Variants in BACE2 observed in about 807,000 individuals in gnomAD.
The protein encoded by BACE2 is beta-secretase 2, also known as 56 kDa aspartic-like protease.
A neutral mutation model predicts 46.2 loss-of-function variants in BACE2; 17 were observed. The observed-to-expected ratio is 0.37, with a 90% CI of 0.25 to 0.55. The LOEUF (loss-of-function observed/expected upper bound fraction) is 0.55. Ranked by LOEUF, BACE2 falls within the 20% of genes least tolerant of loss-of-function variation. The probability of loss-of-function intolerance (pLI) is 0.82; values close to 1 mark genes in which losing one functional copy is unlikely to be tolerated. For missense variants in BACE2, 595 were observed against 698.1 expected (o/e 0.85, Z 1.66); for synonymous variants, 277 against 295.9 (o/e 0.94, Z 0.66).
At chr21:41,224,910 G>C (rs12329755) in intron 1 of BACE2, among the ~76,000 whole-genome samples, 70,592 of 152,126 alleles carry the variant, frequency 0.46, 21,376 homozygotes, top group African/African-American at 0.87. Flanking sequence ...CATAGCAGAC[G>C]TGTTCAGCAA....
chr21:41,217,583 G>C (rs1298174217), intron 1 of BACE2, among the ~76,000 whole-genome samples: 2 of 152,216 alleles, frequency 1.3e-5, no homozygotes. Context: ...GCTTTGGCGA[G>C]GTATCTGCTG....
At chr21:41,208,817 G>A (rs1344003885) in intron 1 of BACE2, among the ~76,000 whole-genome samples, 1 of 152,162 alleles carries the variant, frequency 6.6e-6, no homozygotes, top group Non-Finnish European at 1.5e-5. Flanking sequence ...GTGGCTACCA[G>A]AGGGAGAAAA....
chr21:41,256,197 C>A (rs139306821), intron 7 of BACE2, among the ~76,000 whole-genome samples: 5 of 152,020 alleles, frequency 3.3e-5, no homozygotes, highest in African/African-American at 1.2e-4. Context: ...CCCATCAACC[C>A]GTCACCTGCA....
chr21:41,168,993 C>CT (rs1984492247), intron 1 of BACE2, among the ~76,000 whole-genome samples: 1 of 45,246 alleles, frequency 2.2e-5, no homozygotes, highest in African/African-American at 6.7e-5. Flanking sequence ...CCCTCCCCCC[C>CT]GCCCCCCCCC....
At chr21:41,261,138 A>G (rs4818226) in intron 8 of BACE2, among the ~76,000 whole-genome samples, 109,752 of 152,068 alleles carry the variant, frequency 0.72, 39,937 homozygotes, top group East Asian at 0.92. Flanking sequence ...CTTTGTGTAG[A>G]TGAATGAGAT....
chr21:41,245,438 G>A (rs534182676), intron 5 of BACE2, among the ~76,000 whole-genome samples: 190 of 152,342 alleles, frequency 1.2e-3, no homozygotes, highest in African/African-American at 4.2e-3. Flanking sequence ...GGCTGGCAGC[G>A]CCTGTGTGTG....
At chr21:41,183,260 C>T (rs890780563) in intron 1 of BACE2, 1 of 166,032 alleles carries the variant, frequency 6.0e-6, no homozygotes, top group African/African-American at 2.4e-5. Context: ...CAGTGACTTA[C>T]CTAGGTAAAA....
chr21:41,179,556 A>C, intron 1 of BACE2: 1 of 1,366,558 alleles, frequency 7.3e-7, no homozygotes, highest in Non-Finnish European at 9.8e-7. Flanking sequence ...AGGGTGAGTG[A>C]GGGTGTCCAG....
chr21:41,231,175 T>C (rs533037374), intron 2 of BACE2, among the ~76,000 whole-genome samples: 1 of 152,340 alleles, frequency 6.6e-6, no homozygotes, highest in South Asian at 2.1e-4. Flanking sequence ...CTCAAGCATG[T>C]CCATCATTTG....
chr21:41,240,004 G>T (rs951490520), intron 3 of BACE2, among the ~76,000 whole-genome samples: 1 of 152,246 alleles, frequency 6.6e-6, no homozygotes, highest in African/African-American at 2.4e-5. Flanking sequence ...GGTTTGCTCA[G>T]ACCTCCTGAC....
chr21:41,254,865 C>T (rs925262544), intron 7 of BACE2, among the ~76,000 whole-genome samples: 13 of 152,216 alleles, frequency 8.5e-5, no homozygotes, highest in Admixed American at 2.0e-4. Flanking sequence ...GTCCTGCCTC[C>T]GTCAGGCTGC....
At chr21:41,257,054 G>C (rs1987805046) in intron 7 of BACE2, 104 bp from the exon 8 acceptor site, 3 of 1,316,092 alleles carry the variant, frequency 2.3e-6, no homozygotes, top group Non-Finnish European at 3.2e-6. Flanking sequence ...ACTCCCCCCA[G>C]CGCCTGGGAG....
At chr21:41,217,708 C>T (rs1357966688) in intron 1 of BACE2, among the ~76,000 whole-genome samples, 1 of 152,218 alleles carries the variant, frequency 6.6e-6, no homozygotes, top group Non-Finnish European at 1.5e-5. Context: ...ATAGAAGTGG[C>T]TTTTGCTCTT....
At chr21:41,274,696 T>C (rs1364577860) in intron 8 of BACE2, among the ~76,000 whole-genome samples, 2 of 152,222 alleles carry the variant, frequency 1.3e-5, no homozygotes, top group Non-Finnish European at 2.9e-5. Context: ...TAACTGTTTC[T>C]CTTTGTCACC....
intron 8 of BACE2, among the ~76,000 whole-genome samples, chr21:41,269,058 G>A (rs1040577419): frequency 6.6e-6 from 1 of 152,018 alleles, no homozygotes; most frequent in Non-Finnish European, 1.5e-5. Flanking sequence ...GGGTTCAAGG[G>A]ATTCTCCTGC....
chr21:41,249,718 T>C (rs1987585732), intron 6 of BACE2, among the ~76,000 whole-genome samples: 1 of 152,106 alleles, frequency 6.6e-6, no homozygotes, highest in South Asian at 2.1e-4. Flanking sequence ...AGCCATGGCT[T>C]TTTCCTGCTC....
At chr21:41,215,393 C>T (rs1477343969) in intron 1 of BACE2, among the ~76,000 whole-genome samples, 11 of 152,292 alleles carry the variant, frequency 7.2e-5, no homozygotes, top group Non-Finnish European at 1.5e-5. Flanking sequence ...CTACTAGATG[C>T]TGCACTCTGC....
chr21:41,201,504 A>C (rs1315883480), intron 1 of BACE2, among the ~76,000 whole-genome samples: 1 of 152,246 alleles, frequency 6.6e-6, no homozygotes, highest in Non-Finnish European at 1.5e-5. Context: ...CAGCACTTAA[A>C]ACCTATGAGG....
chr21:41,242,041 A>G (rs759480314), intron 4 of BACE2, 94 bp downstream of exon 4: 5 of 1,534,324 alleles, frequency 3.3e-6, no homozygotes, highest in Non-Finnish European at 4.4e-6. Flanking sequence ...AATATTAGGC[A>G]TGTAGGTGTG....
Sources: allele counts gnomAD v4.1 joint callset (sites outside exome capture counted in the v4.1 genomes callset), GRCh38; gene constraint gnomAD v4.1.1; transcripts MANE v1.5; gene names NCBI Gene and HGNC (gene_info 2026-07-23, HGNC 2026-07-21).